PCDHGA10: variants seen among roughly 807,000 people sequenced by gnomAD.
PCDHGA10 encodes the protein protocadherin gamma subfamily A, 10.
Under a neutral mutation model 59.5 loss-of-function variants are expected in PCDHGA10, and 42 were observed. The ratio of observed to expected loss-of-function variants is 0.71; its 90% confidence interval spans 0.55 to 0.91. The LOEUF is 0.91. Among genes scored for constraint, PCDHGA10 ranks in the 40% least tolerant of loss-of-function variants. The pLI, the probability that PCDHGA10 is intolerant of heterozygous loss-of-function variation, is 0.00. For synonymous variants in PCDHGA10, 511 were observed against 517.2 expected (o/e 0.99, Z 0.16); for missense variants, 1,111 against 1,198.2 (o/e 0.93, Z 1.07).
chr5:141,488,633 A>G (rs2099677537), intron 1 of PCDHGA10, among the ~76,000 whole-genome samples: 1 of 152,174 alleles, frequency 6.6e-6, no homozygotes, highest in South Asian at 2.1e-4. Context: ...TCACCTTAGC[A>G]GCATTCAGCA....
intron 2 of PCDHGA10, among the ~76,000 whole-genome samples, chr5:141,496,180 GC>G (rs1054381604): frequency 1.4e-4 from 21 of 151,922 alleles, no homozygotes; most frequent in Non-Finnish European, 2.9e-4. Flanking sequence ...CATCCAAGCA[GC>G]CCCAGCTGCT....
Position 141,415,079 on chromosome 5 carries a change from C to A in PCDHGA10, c.1904C>A (p.Ala635Asp), listed in dbSNP as rs1388248799. ...ACGGGCGAGGTGCGCACGGCGCGAG[C>A]CCTGCTGGACAGAGACGCGCTCAAG... ...EHTGEVRTAR[A>D]LLDRDALKQS... Residue 635 changes from alanine (A) to aspartate (D), a missense_variant, in exon 1 of 4, where the codon GCC (alanine) becomes GAC (aspartate). By Grantham distance (126) the Ala-to-Asp change is moderately radical. Coordinates refer to ENST00000398610, the MANE Select transcript of PCDHGA10 (RefSeq NM_018913.3). 1 of 1,613,380 alleles carries A rather than the reference C, an allele frequency of 6.2e-7. No individual in the cohort carries two copies. Among genetic ancestry groups the A allele is most frequent in the Non-Finnish European group, 8.5e-7 (1 of 1,179,962 alleles).
chr5:141,455,759 A>G (rs1013283124), intron 1 of PCDHGA10, among the ~76,000 whole-genome samples: 4 of 152,300 alleles, frequency 2.6e-5, no homozygotes, highest in South Asian at 4.1e-4. Context: ...CCTGGCTCCT[A>G]GAGCCGGGGC....
chr5:141,501,501 T>C (rs2099809553), intron 2 of PCDHGA10, among the ~76,000 whole-genome samples: 1 of 151,938 alleles, frequency 6.6e-6, no homozygotes, highest in Non-Finnish European at 1.5e-5. Context: ...CTGCTGGGGC[T>C]CCAAGGCCTC....
chr5:141,481,509 T>C (rs2154578624), intron 1 of PCDHGA10, among the ~76,000 whole-genome samples: 2 of 152,326 alleles, frequency 1.3e-5, no homozygotes, highest in Middle Eastern at 3.4e-3. Context: ...GTATGTGAAT[T>C]ATGTCTCAGT....
chr5:141,508,627 C>T (rs566012494), intron 3 of PCDHGA10, among the ~76,000 whole-genome samples: 1 of 152,262 alleles, frequency 6.6e-6, no homozygotes, highest in South Asian at 2.1e-4. Flanking sequence ...GTGGGCCGAG[C>T]TTCTAGCTAC....
At chr5:141,428,230 C>A in intron 1 of PCDHGA10, 1 of 1,073,982 alleles carries the variant, frequency 9.3e-7, no homozygotes, top group Non-Finnish European at 1.4e-6. Flanking sequence ...CGCAGACAGC[C>A]TGCAGGAGGC....
intron 2 of PCDHGA10, among the ~76,000 whole-genome samples, chr5:141,497,905 C>T (rs1052659134): frequency 6.6e-6 from 1 of 152,178 alleles, no homozygotes; most frequent in Non-Finnish European, 1.5e-5. Context: ...GTAACTTCAA[C>T]TTCTCTCCTT....
At position 141,485,348 on chromosome 5, in the gene PCDHGA10, C is replaced by A; in HGVS notation, c.2437-9459C>A. ...AGATTTCCTGCTGGATACGGACAGT[C>A]TGTCAGCTCGCAGGCTGCAGGTCGC... On this transcript the variant is annotated intron_variant, in intron 1 of 3. Coordinates refer to ENST00000398610, the MANE Select transcript of PCDHGA10 (RefSeq NM_018913.3). This position sits in a 1 kb window ranked among gnomAD's most constrained non-coding sequence, Gnocchi z 5.7. 6.2e-7 allele frequency: 1 copy of A among 1,614,146 alleles called. No individual in the cohort carries two copies. Among genetic ancestry groups the A allele is most frequent in the Non-Finnish European group, 8.5e-7 (1 of 1,180,008 alleles).
intron 1 of PCDHGA10, chr5:141,478,401 T>G: frequency 6.2e-7 from 1 of 1,613,480 alleles, no homozygotes; most frequent in South Asian, 1.1e-5. Context: ...CAGGTGTATC[T>G]CACCACGGAC....
At chr5:141,452,281 T>G (rs948141174) in intron 1 of PCDHGA10, among the ~76,000 whole-genome samples, 2 of 152,232 alleles carry the variant, frequency 1.3e-5, no homozygotes, top group Non-Finnish European at 2.9e-5. Flanking sequence ...CCTTTCTTAC[T>G]TTCTGATATA....
chr5:141,503,304 A>G (rs946582779), intron 2 of PCDHGA10, among the ~76,000 whole-genome samples: 1 of 152,150 alleles, frequency 6.6e-6, no homozygotes, highest in African/African-American at 2.4e-5. Flanking sequence ...ATTGCTCAAG[A>G]AAGAATTGTT....
At chr5:141,488,348 C>T (rs1231687770) in intron 1 of PCDHGA10, among the ~76,000 whole-genome samples, 1 of 152,106 alleles carries the variant, frequency 6.6e-6, no homozygotes, top group Non-Finnish European at 1.5e-5. Flanking sequence ...TAGAAACAGC[C>T]ACCCTGTGCA....
intron 1 of PCDHGA10, among the ~76,000 whole-genome samples, chr5:141,482,757 T>G: frequency 7.9e-6 from 1 of 127,194 alleles, no homozygotes; most frequent in Admixed American, 7.7e-5. Flanking sequence ...GATTATGGTA[T>G]TTCATTATCA....
At chr5:141,461,819 A>T (rs573339238) in intron 1 of PCDHGA10, among the ~76,000 whole-genome samples, 68 of 149,282 alleles carry the variant, frequency 4.6e-4, no homozygotes, top group Non-Finnish European at 9.5e-4. Flanking sequence ...ACACCCAGCT[A>T]ATTTTTTTTT....
In PCDHGA10 at chr5:141,477,362, G is replaced by T. The variant is rs920445601; in HGVS notation, c.2437-17445G>T. 6.2e-7 allele frequency: 1 copy of T among 1,614,142 alleles called. No individual in the cohort carries two copies. The highest frequency in any genetic ancestry group is 1.3e-5 in the African/African-American group (1 of 75,022). On this transcript the variant is annotated intron_variant, in intron 1 of 3. Coordinates refer to ENST00000398610, the MANE Select transcript of PCDHGA10 (RefSeq NM_018913.3). The surrounding 1 kb of genome is among the most constrained non-coding windows in gnomAD (Gnocchi z 4.9). ...CACTTTGAAAACCAGTGCAGACCTG[G>T]ATCGGGAGACTGTGCCAGAATACAA...
intron 1 of PCDHGA10, among the ~76,000 whole-genome samples, chr5:141,483,658 G>C (rs906346163): frequency 1.4e-4 from 22 of 152,028 alleles, no homozygotes; most frequent in Non-Finnish European, 2.4e-4. Context: ...TTGTGTGTGT[G>C]TGTGTGTGTG....
intron 1 of PCDHGA10, among the ~76,000 whole-genome samples, chr5:141,492,632 C>T (rs1359761285): frequency 1.3e-5 from 2 of 152,256 alleles, no homozygotes; most frequent in Admixed American, 1.3e-4. Context: ...CAGGACTCTA[C>T]GATCCTTGGG....
intron 2 of PCDHGA10, among the ~76,000 whole-genome samples, chr5:141,502,564 C>T (rs2099815067): frequency 1.3e-5 from 2 of 151,774 alleles, no homozygotes; most frequent in East Asian, 1.9e-4. Context: ...CCAGATCTCT[C>T]CATTATAAAA....
Sources: allele counts gnomAD v4.1 joint callset (sites outside exome capture counted in the v4.1 genomes callset), GRCh38; gene constraint gnomAD v4.1.1; non-coding constraint Gnocchi (gnomAD v3.1); transcripts MANE v1.5; gene names NCBI Gene and HGNC (gene_info 2026-07-23, HGNC 2026-07-21).